Variants in FGD5 observed in about 807,000 individuals in gnomAD.
The protein encoded by FGD5 is FYVE, RhoGEF and PH domain-containing protein 5.
In FGD5, 28 loss-of-function variants were observed where a neutral mutation model predicts 133.4. The ratio of observed to expected loss-of-function variants is 0.21; its 90% CI spans 0.16 to 0.29. FGD5 has a LOEUF of 0.29. FGD5 is among the 10% of genes least tolerant of loss of function. The pLI is 1.00. For synonymous variants in FGD5, 810 were observed against 776.5 expected, an observed-to-expected ratio of 1.04 and a Z score of -0.72; for missense variants, 1,858 against 1,895.2, an observed-to-expected ratio of 0.98 and a Z score of 0.36.
intron 1 of FGD5, among the ~76,000 whole-genome samples, chr3:14,845,550 C>G (rs1575204295): frequency 2.6e-5 from 4 of 152,292 alleles, no homozygotes; most frequent in Admixed American, 2.6e-4. Flanking sequence ...ACTAAGAAGT[C>G]TAGGAACAGG....
chr3:14,912,971 G>A (rs539151917), intron 11 of FGD5, among the ~76,000 whole-genome samples: 14 of 152,052 alleles, frequency 9.2e-5, no homozygotes, highest in African/African-American at 3.4e-4. Context: ...AGGAGGTGGG[G>A]GTTGCAGTGA....
rs2125155023 is a variant in FGD5, at chr3:14,921,922, T to C, written c.3574T>C (p.Cys1192Arg). 1 of 1,566,066 alleles carries C rather than the reference T, an allele frequency of 6.4e-7. No homozygotes were observed. Among genetic ancestry groups the C allele is most frequent in the Non-Finnish European group, 8.7e-7 (1 of 1,155,200 alleles). The change falls in exon 14 of 20, where the codon TGT (cysteine) becomes CGT (arginine). Residue 1192 changes from cysteine (C) to arginine (R), a missense_variant. Physicochemically the swap from Cys to Arg is radical, Grantham distance 180. This residue lies in a region of FGD5 where 1,824 missense variants were observed against 1,848.9 expected (regional missense o/e 0.99). Coordinates refer to ENST00000285046, the MANE Select transcript of FGD5 (RefSeq NM_152536.4). ...ESCLMLSASS[C>R]AERDEWYGCL... ...CACTCCAGCCCATGCCCGCAGCTCC[T>C]GTGCAGAGAGGGACGAGTGGTATGG...
At chr3:14,857,332 T>A (rs1225581333) in intron 1 of FGD5, among the ~76,000 whole-genome samples, 1 of 152,116 alleles carries the variant, frequency 6.6e-6, no homozygotes, top group African/African-American at 2.4e-5. Flanking sequence ...TAATTTTTTT[T>A]ATTTTAGAGA....
intron 1 of FGD5, among the ~76,000 whole-genome samples, chr3:14,837,508 C>T (rs932903467): frequency 6.6e-6 from 1 of 152,148 alleles, no homozygotes; most frequent in Non-Finnish European, 1.5e-5. Context: ...GGAGGACTAG[C>T]CTTCTCTAGG....
rs557371838 is a variant in FGD5 at position 14,930,545 on chromosome 3, C to T, written c.4198-2032C>T. 2.2e-3 allele frequency among the ~76,000 whole-genome samples: 329 copies of T among 151,842 alleles called. 1 individual carries two copies. The highest frequency in any genetic ancestry group is 7.5e-3 in the African/African-American group (311 of 41,382). On this transcript the variant is annotated intron_variant, in intron 18 of 19. Transcript: ENST00000285046. ...ACAGCAAGCAGAGGTTGCAGTGAGC[C>T]GAGATCACACCACTGCACTCCAGTC... is the stretch of plus-strand genomic sequence containing the variant.
intron 1 of FGD5, among the ~76,000 whole-genome samples, chr3:14,837,060 G>T (rs1421068208): frequency 6.6e-6 from 1 of 152,190 alleles, no homozygotes; most frequent in Non-Finnish European, 1.5e-5. Flanking sequence ...AGCAGGGAGG[G>T]ACAGAAAGGA....
chr3:14,900,892 C>T (rs1168963200), intron 8 of FGD5, 111 bp from the exon 9 acceptor site: 2 of 1,171,644 alleles, frequency 1.7e-6, no homozygotes, highest in African/African-American at 3.0e-5. Flanking sequence ...GTCAAGGTCA[C>T]CTAGGCAGTA....
intron 4 of FGD5, among the ~76,000 whole-genome samples, chr3:14,887,314 G>A (rs951923154): frequency 2.6e-5 from 4 of 152,116 alleles, no homozygotes; most frequent in Non-Finnish European, 4.4e-5. Context: ...CTGATGCTCA[G>A]TATGTATCCA....
At chr3:14,891,941 C>T (rs2038036435) in intron 4 of FGD5, among the ~76,000 whole-genome samples, 1 of 151,468 alleles carries the variant, frequency 6.6e-6, no homozygotes, top group Non-Finnish European at 1.5e-5. Context: ...CTTTTTCTCT[C>T]TTTCTCCCTC....
At chr3:14,857,241 C>CA (rs2037300417) in intron 1 of FGD5, among the ~76,000 whole-genome samples, 1 of 152,098 alleles carries the variant, frequency 6.6e-6, no homozygotes, top group Non-Finnish European at 1.5e-5. Context: ...CCTCCACCCC[C>CA]CCAGGCTCAA....
chr3:14,850,494 T>C (rs1322762246), intron 1 of FGD5, among the ~76,000 whole-genome samples: 1 of 152,132 alleles, frequency 6.6e-6, no homozygotes, highest in East Asian at 1.9e-4. Flanking sequence ...TACTGTGTTA[T>C]GTGTGCAGAC....
intron 1 of FGD5, among the ~76,000 whole-genome samples, chr3:14,858,554 A>G (rs1207525061): frequency 1.3e-5 from 2 of 152,220 alleles, no homozygotes; most frequent in Admixed American, 6.5e-5. Context: ...TAGAGAGACT[A>G]TAGACACTGT....
chr3:14,843,591 C>T (rs1162766979), intron 1 of FGD5, among the ~76,000 whole-genome samples: 1 of 152,016 alleles, frequency 6.6e-6, no homozygotes, highest in Non-Finnish European at 1.5e-5. Context: ...CAGCCCCTCC[C>T]CACCAAGGGA....
At chr3:14,880,873 A>T in intron 4 of FGD5, 101 bp downstream of exon 4, 2 of 1,468,958 alleles carry the variant, frequency 1.4e-6, no homozygotes, top group Non-Finnish European at 1.9e-6. Flanking sequence ...ATTTCCATTA[A>T]CAGAGGCCTG....
At chr3:14,931,588 G>A (rs1379864314) in intron 18 of FGD5, 3 of 152,098 alleles carry the variant, frequency 2.0e-5, no homozygotes, top group African/African-American at 4.8e-5. Flanking sequence ...TACAAAGTCT[G>A]TATTGTTTAT....
chr3:14,932,432 T>G, intron 18 of FGD5, 145 bp from the exon 19 acceptor site: 2 of 868,088 alleles, frequency 2.3e-6, no homozygotes, highest in Non-Finnish European at 3.4e-6. Flanking sequence ...GAAGCGAGGG[T>G]CAACAGTTTG....
upstream of FGD5, chr3:14,810,823 C>G: frequency 2.0e-6 from 2 of 984,598 alleles, no homozygotes; most frequent in Non-Finnish European, 2.4e-6. Flanking sequence ...ACTGAAACGC[C>G]GACGGCGGCC....
At chr3:14,846,182 A>G (rs1033051152) in intron 1 of FGD5, among the ~76,000 whole-genome samples, 1 of 152,198 alleles carries the variant, frequency 6.6e-6, no homozygotes, top group Admixed American at 6.5e-5. Context: ...TTCACATGGA[A>G]GAAGAAAATG....
At chr3:14,853,420 C>T (rs2125095874) in intron 1 of FGD5, among the ~76,000 whole-genome samples, 2 of 152,182 alleles carry the variant, frequency 1.3e-5, no homozygotes, top group African/African-American at 2.4e-5. Flanking sequence ...CTGTCTCCTC[C>T]ATTTCAAACT....
Sources: gnomAD v4.1 joint callset for allele counts (sites outside exome capture counted in the v4.1 genomes callset) on GRCh38, gnomAD v4.1.1 for gene constraint, gnomAD v4.1.1 regional missense constraint, MANE v1.5 for transcripts, NCBI Gene and HGNC (gene_info 2026-07-23, HGNC 2026-07-21) for gene names.